EIF2D: variants seen among roughly 807,000 people sequenced by gnomAD.
EIF2D encodes hepatocellular carcinoma-associated antigen 56.
EIF2D carries 56 observed loss-of-function variants against 77.4 expected under a neutral mutation model. The observed-to-expected ratio is 0.72, with a 90% CI of 0.58 to 0.90. The LOEUF (loss-of-function observed/expected upper bound fraction) is 0.90, where lower values mean the gene tolerates loss of function less well. EIF2D is among the 40% of genes least tolerant of loss of function. The pLI is 0.00. For synonymous variants in EIF2D, 230 were observed against 271.0 expected, an observed-to-expected ratio of 0.85 and a Z score of 1.49; for missense variants, 574 against 706.5, an observed-to-expected ratio of 0.81 and a Z score of 2.13.
rs141229030 is a variant in EIF2D, at chr1:206,608,780, G to A, written c.332-454C>T. Among the ~76,000 whole-genome samples, 1,344 of 152,320 alleles carry A rather than the reference G, an allele frequency of 8.8e-3. 6 individuals are homozygous for A. Among genetic ancestry groups the A allele is most frequent in the Middle Eastern group, 0.014 (4 of 294 alleles). ...AAAAGAGCTACTCTTAGCCAGGTGC[G>A]GTGGCTCACGCCTGTAATCCCAGCA... On this transcript the variant is annotated intron_variant, in intron 3 of 14. Coordinates refer to ENST00000271764, the MANE Select transcript of EIF2D (RefSeq NM_006893.3).
exon 4 of EIF2D, chr1:206,580,762 C>T (rs1668839708): frequency 6.6e-6 from 1 of 152,268 alleles, no homozygotes; most frequent in Non-Finnish European, 1.5e-5. Context: ...GGTTCAGTTC[C>T]AGAGACCTGG....
downstream of EIF2D, chr1:206,586,690 C>A: frequency 1.4e-6 from 1 of 715,068 alleles, no homozygotes; most frequent in Non-Finnish European, 2.4e-6. Flanking sequence ...CTGATTCAGT[C>A]TGTTCAGTAG....
intron 7 of EIF2D, 111 bp from the exon 8 acceptor site, chr1:206,600,419 G>C (rs553376106): frequency 3.1e-6 from 3 of 960,042 alleles, no homozygotes; most frequent in South Asian, 3.0e-5. Context: ...CCTTCAGAGA[G>C]AGGCCACTGT....
At chr1:206,581,576 G>A (rs1383474313) in intron 2 of EIF2D, among the ~76,000 whole-genome samples, 2 of 151,924 alleles carry the variant, frequency 1.3e-5, no homozygotes, top group Non-Finnish European at 2.9e-5. Flanking sequence ...TCCAGCCTGG[G>A]TGACAGAGGG....
Position 206,577,237 on chromosome 1 carries a change from T to G in EIF2D, c.*254+3455A>C, listed in dbSNP as rs572467772. ...ACCTAACATTTACTGTCTGACCCTT[T>G]ACAGAAAAAGTTTGCCAACCACTGG... On this transcript the variant is annotated intron_variant and NMD_transcript_variant, in intron 4 of 5. Coordinates refer to the EIF2D transcript ENST00000472709. Among the ~76,000 whole-genome samples the G allele has an allele frequency of 2.0e-5, 3 of 152,268 alleles. No individual in the cohort carries two copies. In the East Asian group the frequency reaches 5.8e-4, roughly 29 times the overall value.
chr1:206,606,261 G>A (rs1250451130), intron 4 of EIF2D, among the ~76,000 whole-genome samples: 1 of 152,168 alleles, frequency 6.6e-6, no homozygotes, highest in Non-Finnish European at 1.5e-5. Context: ...CCCAATACTT[G>A]AACTTGCTTT....
intron 12 of EIF2D, 144 bp from the exon 13 acceptor site, chr1:206,595,982 G>A: frequency 8.7e-7 from 1 of 1,155,968 alleles, no homozygotes; most frequent in South Asian, 1.5e-5. Flanking sequence ...AAATCCCTAG[G>A]GAGCTACAGC....
At chr1:206,608,467 CAACTTCCAACAAAAAA>C in intron 3 of EIF2D, 141 bp from the exon 4 acceptor site, 1 of 642,702 alleles carries the variant, frequency 1.6e-6, no homozygotes, top group African/African-American at 1.9e-5. Flanking sequence ...TGAAAAATGG[CAACTTCCAACAAAAAA>C]ATAGTTATTA....
chr1:206,591,017 C>T (rs569109163), downstream of EIF2D, among the ~76,000 whole-genome samples: 95 of 152,298 alleles, frequency 6.2e-4, no homozygotes, highest in African/African-American at 1.8e-3. Context: ...GGAAAATGAT[C>T]GTACAAAATC....
intron 2 of EIF2D, 33 bp from the exon 3 acceptor site, chr1:206,609,492 C>A (rs782032118): frequency 8.3e-6 from 13 of 1,557,296 alleles, no homozygotes; most frequent in African/African-American, 1.4e-5. Context: ...AACACTACTA[C>A]CAAAAAGCCA....
chr1:206,598,734 C>T (rs1669771204), intron 11 of EIF2D, among the ~76,000 whole-genome samples: 1 of 152,126 alleles, frequency 6.6e-6, no homozygotes, highest in Admixed American at 6.5e-5. Flanking sequence ...GCATTTTATT[C>T]CTCACAATAG....
At chr1:206,609,519 G>A in intron 2 of EIF2D, 60 bp from the exon 3 acceptor site, 5 of 1,376,360 alleles carry the variant, frequency 3.6e-6, no homozygotes, top group Non-Finnish European at 5.1e-6. Flanking sequence ...TAGAGAAATG[G>A]AAAAACCTAA....
At position 206,602,434 on chromosome 1, in the gene EIF2D, T is replaced by TA; in HGVS notation, c.803dup (p.Leu268PhefsTer17). 6.2e-7 allele frequency: 1 copy of TA among 1,614,182 alleles called. No individual in the cohort carries two copies. Among genetic ancestry groups the TA allele is most frequent in the South Asian group, 1.1e-5 (1 of 91,088 alleles). Reference sequence around the variant, plus strand: ...TCAAGGCATGTAAGAAGCATTGCTGTAACAGCTCATCCATTTGTTCTGCAG... The same window carrying TA: ...TCAAGGCATGTAAGAAGCATTGCTGTAAACAGCTCATCCATTTGTTCTGCAG... On this transcript the variant is annotated frameshift_variant, in exon 7 of 15. Coordinates refer to ENST00000271764, the MANE Select transcript of EIF2D (RefSeq NM_006893.3). LOFTEE classifies it high-confidence loss of function.
At position 206,585,399 on chromosome 1, in the gene EIF2D, G is replaced by A. The variant is rs548269579; in HGVS notation, c.139-4237C>T. 9.8e-5 allele frequency: 79 copies of A among 809,790 alleles called. No individual in the cohort carries two copies. In the East Asian group the frequency reaches 1.2e-3, roughly 12 times the overall value. The allele number at this position is 809,790 out of a possible 1,614,324, so 50.2% of individuals were successfully genotyped here. The stretch of plus-strand genomic sequence containing the variant: ...CACATAGGTGGGAGCCACGCAGCAC[G>A]GGCAGGAAGGTGACTGTTGAGAGAG... On this transcript the variant is annotated intron_variant and NMD_transcript_variant, in intron 2 of 5. Transcript: ENST00000472709.
rs182982906 is a variant in EIF2D, at chr1:206,606,575, C to T, written c.423-1068G>A. Among the ~76,000 whole-genome samples, 393 of 152,258 alleles carry T rather than the reference C, an allele frequency of 2.6e-3. 3 individuals carry two copies. Among genetic ancestry groups the T allele is most frequent in the Non-Finnish European group, 2.2e-3 (152 of 68,008 alleles). On this transcript the variant is annotated intron_variant, in intron 4 of 14. Transcript: ENST00000271764. Reference sequence around the variant, plus strand: ...GAATACTGGGGGAGAAAAACGGTAACACCATCATTCTTTTCAACTGTAATT... The same window carrying T: ...GAATACTGGGGGAGAAAAACGGTAATACCATCATTCTTTTCAACTGTAATT...
chr1:206,591,894 C>T (rs782294083), intron 14 of EIF2D, 49 bp from the exon 15 acceptor site: 3 of 1,583,752 alleles, frequency 1.9e-6, no homozygotes, highest in Admixed American at 3.3e-5. Context: ...ACCTTGCTCC[C>T]CGGCTGGCCC....
chr1:206,587,383 C>A, downstream of EIF2D: 1 of 314,790 alleles, frequency 3.2e-6, no homozygotes. Flanking sequence ...CTCTTACTTG[C>A]CACGTACAGG....
At chr1:206,602,500 C>CACCT (rs1553411528) in intron 6 of EIF2D, 47 bp from the exon 7 acceptor site, 1 of 1,536,748 alleles carries the variant, frequency 6.5e-7, no homozygotes, top group African/African-American at 1.4e-5. Flanking sequence ...GGATACAGAA[C>CACCT]ACCTGGTACA....
At position 206,597,105 on chromosome 1, in the gene EIF2D, C is replaced by A; in HGVS notation, c.1383G>T (p.Leu461=). Residue 461 remains leucine, a synonymous_variant, in exon 12 of 15, where the codon CTG becomes CTT. Transcript: ENST00000271764. Reference sequence around the variant, plus strand: ...GGACTGCCAATGCTCGTTACCTGGTCAGAAGACTGTCCCATGGAAGCTTCA... The same window carrying A: ...GGACTGCCAATGCTCGTTACCTGGTAAGAAGACTGTCCCATGGAAGCTTCA... ...TVMKLPWDSL[L]TRCLEKLQPA... 2.5e-6 allele frequency: 4 copies of A among 1,613,792 alleles called. No homozygotes were observed. In the South Asian group the frequency reaches 4.4e-5, roughly 18 times the overall value.
Sources: gnomAD v4.1 joint callset for allele counts (sites outside exome capture counted in the v4.1 genomes callset) on GRCh38, gnomAD v4.1.1 for gene constraint, MANE v1.5 for transcripts, NCBI Gene and HGNC (gene_info 2026-07-23, HGNC 2026-07-21) for gene names.